Variants in SLC16A7 observed in about 807,000 individuals in gnomAD.
The protein encoded by SLC16A7 is solute carrier family 16 member 7.
In SLC16A7, 33 loss-of-function variants were observed where a neutral mutation model predicts 34.9. That is an observed-to-expected ratio of 0.94 (90% CI 0.72 to 1.26). The LOEUF (loss-of-function observed/expected upper bound fraction) is 1.26. SLC16A7 is among the 50% of genes most tolerant of loss of function. The pLI is 0.00. For missense variants in SLC16A7, 573 were observed against 578.1 expected (o/e 0.99, Z 0.09); for synonymous variants, 201 against 206.6 (o/e 0.97, Z 0.23).
intron 2 of SLC16A7, among the ~76,000 whole-genome samples, chr12:59,682,122 T>A (rs1447055191): frequency 6.6e-6 from 1 of 152,224 alleles, no homozygotes; most frequent in African/African-American, 2.4e-5. Context: ...ACTTTGTGAA[T>A]CCTGTACCTC....
At chr12:59,621,627 T>C (rs1879699970) in intron 1 of SLC16A7, among the ~76,000 whole-genome samples, 1 of 151,902 alleles carries the variant, frequency 6.6e-6, no homozygotes, top group Admixed American at 6.6e-5. Flanking sequence ...GATTATGTGG[T>C]ATGAACATAG....
intron 3 of SLC16A7, among the ~76,000 whole-genome samples, chr12:59,718,488 C>T (rs543852545): frequency 3.4e-4 from 52 of 152,168 alleles, no homozygotes; most frequent in African/African-American, 1.2e-3. Context: ...TGGGAAGATA[C>T]TCGATACCTC....
intron 3 of SLC16A7, among the ~76,000 whole-genome samples, chr12:59,758,435 C>A (rs1880643245): frequency 6.6e-6 from 1 of 151,968 alleles, no homozygotes; most frequent in African/African-American, 2.4e-5. Context: ...TTTAATGAAA[C>A]TAGCATGAGG....
At chr12:59,705,437 C>A (rs1873453744) in intron 3 of SLC16A7, among the ~76,000 whole-genome samples, 1 of 152,118 alleles carries the variant, frequency 6.6e-6, no homozygotes, top group Non-Finnish European at 1.5e-5. Context: ...GAAAGTACAT[C>A]ACTTTAAGCT....
chr12:59,730,546 C>T (rs561512016), intron 3 of SLC16A7, among the ~76,000 whole-genome samples: 9 of 151,996 alleles, frequency 5.9e-5, no homozygotes, highest in Admixed American at 2.0e-4. Context: ...ATAATAATAA[C>T]GCTATGTAAT....
At chr12:59,685,240 T>C (rs1044207152) in intron 2 of SLC16A7, among the ~76,000 whole-genome samples, 2 of 152,192 alleles carry the variant, frequency 1.3e-5, no homozygotes, top group African/African-American at 4.8e-5. Context: ...TTATCAGTGT[T>C]TAGTGTTTAT....
At chr12:59,777,718 A>G (rs12830142) in intron 5 of SLC16A7, among the ~76,000 whole-genome samples, 11,532 of 151,666 alleles carry the variant, frequency 0.076, 528 homozygotes, top group South Asian at 0.17. Context: ...TTAGTTACAT[A>G]TGTATGCATG....
chr12:59,677,061 G>C (rs1870370363), intron 2 of SLC16A7, among the ~76,000 whole-genome samples: 1 of 151,664 alleles, frequency 6.6e-6, no homozygotes, highest in Admixed American at 6.6e-5. Context: ...TCGTGTGTGT[G>C]TATGTGTTTT....
intron 2 of SLC16A7, among the ~76,000 whole-genome samples, chr12:59,686,811 T>C (rs1411775712): frequency 6.6e-6 from 1 of 152,030 alleles, no homozygotes; most frequent in African/African-American, 2.4e-5. Flanking sequence ...TTCAAAAAGA[T>C]TTTAAGAGAT....
At chr12:59,778,425 T>G (rs1341661878) in intron 5 of SLC16A7, among the ~76,000 whole-genome samples, 2 of 152,154 alleles carry the variant, frequency 1.3e-5, no homozygotes, top group African/African-American at 4.8e-5. Context: ...GAGAATGCTA[T>G]GGATTCTGAC....
At chr12:59,680,470 G>T (rs1295863128) in intron 2 of SLC16A7, among the ~76,000 whole-genome samples, 1 of 151,954 alleles carries the variant, frequency 6.6e-6, no homozygotes, top group African/African-American at 2.4e-5. Flanking sequence ...AGAGAAGGAG[G>T]TTCTTTAGCC....
At chr12:59,649,807 G>A (rs973337354) in intron 1 of SLC16A7, among the ~76,000 whole-genome samples, 1 of 152,008 alleles carries the variant, frequency 6.6e-6, no homozygotes, top group African/African-American at 2.4e-5. Flanking sequence ...AAATTAGCCA[G>A]GTGTGGTGGC....
At chr12:59,603,527 T>G (rs986280852) in intron 1 of SLC16A7, among the ~76,000 whole-genome samples, 12 of 152,314 alleles carry the variant, frequency 7.9e-5, no homozygotes, top group Non-Finnish European at 1.5e-4. Context: ...TCTAAGAAGT[T>G]GAGCTTAAAC....
chr12:59,600,189 T>A (rs1033759546), intron 1 of SLC16A7, among the ~76,000 whole-genome samples: 2 of 152,244 alleles, frequency 1.3e-5, no homozygotes, highest in African/African-American at 2.4e-5. Context: ...AATAACTCAA[T>A]AACTACTTTT....
intron 2 of SLC16A7, among the ~76,000 whole-genome samples, chr12:59,699,651 T>TACATATAG (rs1460325733): frequency 6.6e-6 from 1 of 151,772 alleles, no homozygotes; most frequent in Non-Finnish European, 1.5e-5. Flanking sequence ...AGTTATGGGT[T>TACATATAG]ACATATAGAT....
rs1002554169 is a variant in SLC16A7, at chr12:59,784,280, A to C, written c.*4601A>C. 1 of 152,122 alleles carries C rather than the reference A, an allele frequency of 6.6e-6. No individual in the cohort carries two copies. Among genetic ancestry groups the C allele is most frequent in the East Asian group, 1.9e-4 (1 of 5,182 alleles). 9.4% of individuals were successfully genotyped at this position (152,122 alleles called of 1,614,324 possible). A position where few individuals can be genotyped will look rare whatever the true frequency, so the allele number is the denominator to read the frequency against. On this transcript the variant is annotated 3_prime_UTR_variant, in exon 6 of 6. Transcript: ENST00000547379. ...CAGCTACTCGGGAGGCTGAGACGAGAGGGTCATTTGAGCCCAGGAAGTTGA... is the reference window on the plus strand; with the variant it reads ...CAGCTACTCGGGAGGCTGAGACGAGCGGGTCATTTGAGCCCAGGAAGTTGA...
chr12:59,778,182 C>G (rs964161014), intron 5 of SLC16A7, among the ~76,000 whole-genome samples: 1 of 151,926 alleles, frequency 6.6e-6, no homozygotes, highest in Non-Finnish European at 1.5e-5. Context: ...GGGCCATGGA[C>G]CTAATGCTTT....
intron 1 of SLC16A7, among the ~76,000 whole-genome samples, chr12:59,624,009 ATTT>A (rs555310292): frequency 7.3e-4 from 110 of 151,434 alleles, no homozygotes; most frequent in African/African-American, 2.6e-3. Flanking sequence ...TAAAATATTT[ATTT>A]ATTTATTGTT....
Position 59,740,257 on chromosome 12 carries a change from A to C in SLC16A7, c.218-30962A>C, listed in dbSNP as rs370191344. On this transcript the variant is annotated intron_variant, in intron 3 of 5. Coordinates refer to ENST00000547379, the MANE Select transcript of SLC16A7 (RefSeq NM_001270623.2). ...GGAAGGGATCCAGTTTCAGCTTTCTACATATGGCTAGCCAGTTTTCCCAGC... is the reference window on the plus strand; with the variant it reads ...GGAAGGGATCCAGTTTCAGCTTTCTCCATATGGCTAGCCAGTTTTCCCAGC... Among the ~76,000 whole-genome samples the C allele has an allele frequency of 1.5e-3, 235 of 151,866 alleles. 3 individuals are homozygous for C. The South Asian group carries it at 0.02, about 13-fold the overall frequency.
Sources: allele counts gnomAD v4.1 joint callset (sites outside exome capture counted in the v4.1 genomes callset), GRCh38; gene constraint gnomAD v4.1.1; transcripts MANE v1.5; gene names NCBI Gene and HGNC (gene_info 2026-07-23, HGNC 2026-07-21).